Variants in AGTR1 observed in about 807,000 individuals in gnomAD.
The protein encoded by AGTR1 is angiotensin II receptor type 1.
In AGTR1, 16 loss-of-function variants were observed where a neutral mutation model predicts 19.4. The observed-to-expected ratio is 0.82, with a 90% CI of 0.56 to 1.25. The LOEUF (loss-of-function observed/expected upper bound fraction) is 1.25. Among genes scored for constraint, AGTR1 ranks in the 50% most tolerant of loss-of-function variants. AGTR1 has a pLI of 0.00. For synonymous variants in AGTR1, 153 were observed against 154.9 expected, an observed-to-expected ratio of 0.99 and a Z score of 0.09; for missense variants, 373 against 431.9, an observed-to-expected ratio of 0.86 and a Z score of 1.21.
In AGTR1 at chr3:148,741,581, C is replaced by A. The variant is rs868647200; in HGVS notation, c.546C>A (p.Phe182Leu). Residue 182 changes from phenylalanine to leucine, a missense_variant, in exon 3 of 3, where the codon TTC becomes TTA. By Grantham distance (22) the Phe-to-Leu change is conservative. Coordinates refer to ENST00000349243, the MANE Select transcript of AGTR1 (RefSeq NM_000685.5). ...ACACCAATATTACAGTTTGTGCTTTCCATTATGAGTCCCAAAATTCAACCC... is the reference window on the plus strand; with the variant it reads ...ACACCAATATTACAGTTTGTGCTTTACATTATGAGTCCCAAAATTCAACCC... ...IENTNITVCAFHYESQNSTLP... is the reference protein window; with the variant it reads ...IENTNITVCALHYESQNSTLP... 1 of 1,613,928 alleles carries A rather than the reference C, an allele frequency of 6.2e-7. No homozygotes were observed. Among genetic ancestry groups the A allele is most frequent in the Non-Finnish European group, 8.5e-7 (1 of 1,179,952 alleles).
rs1397503282 is a variant in AGTR1, at chr3:148,741,873, G to C, written c.838G>C (p.Val280Leu). Residue 280 changes from valine to leucine, a missense_variant, in exon 3 of 3, where the codon GTG becomes CTG. By Grantham distance (32) the Val-to-Leu change is conservative. Coordinates refer to ENST00000349243, the MANE Select transcript of AGTR1 (RefSeq NM_000685.5). ...ACGTGACTGTAGAATTGCAGATATTGTGGACACGGCCATGCCTATCACCAT... is the reference window on the plus strand; with the variant it reads ...ACGTGACTGTAGAATTGCAGATATTCTGGACACGGCCATGCCTATCACCAT... ...IIRDCRIADIVDTAMPITICI... is the reference protein window; with the variant it reads ...IIRDCRIADILDTAMPITICI... 3 of 1,614,046 alleles carry C rather than the reference G, an allele frequency of 1.9e-6. No homozygotes were observed. The South Asian group carries it at 3.3e-5, about 18-fold the overall frequency.
Position 148,742,632 on chromosome 3 carries a change from T to C in AGTR1, c.*517T>C. 1 of 213,360 alleles carries C rather than the reference T, an allele frequency of 4.7e-6. No homozygotes were observed. Among genetic ancestry groups the C allele is most frequent in the South Asian group, 8.7e-5 (1 of 11,458 alleles). The allele number at this position is 213,360 out of a possible 1,614,324, so 13.2% of individuals were successfully genotyped here. On this transcript the variant is annotated 3_prime_UTR_variant, in exon 3 of 3. Transcript: ENST00000349243. Reference sequence around the variant, plus strand: ...ACAAAGATATGCTAAGCAGTAGTCGTCAAGTTGCAGATCTTTTTGTGAAAT... The same window carrying C: ...ACAAAGATATGCTAAGCAGTAGTCGCCAAGTTGCAGATCTTTTTGTGAAAT...
intron 2 of AGTR1, chr3:148,729,960 A>G (rs1714160303): frequency 7.2e-6 from 2 of 276,362 alleles, no homozygotes; most frequent in South Asian, 1.7e-4. Flanking sequence ...CTCTTACCCA[A>G]ATTTGCTCGC....
At chr3:148,705,840 C>G (rs1349410126) in intron 1 of AGTR1, among the ~76,000 whole-genome samples, 1 of 151,696 alleles carries the variant, frequency 6.6e-6, no homozygotes, top group African/African-American at 2.4e-5. Flanking sequence ...CTGGTAGATG[C>G]TTGTCAAGGT....
chr3:148,726,203 G>A (rs1223283173), intron 2 of AGTR1, among the ~76,000 whole-genome samples: 1 of 144,088 alleles, frequency 6.9e-6, no homozygotes, highest in African/African-American at 2.9e-5. Flanking sequence ...GCTAAATCCT[G>A]CAGTCTACTG....
intron 2 of AGTR1, among the ~76,000 whole-genome samples, chr3:148,726,231 C>T (rs934649108): frequency 1.0e-4 from 15 of 150,088 alleles, no homozygotes; most frequent in Non-Finnish European, 8.9e-5. Context: ...TTTTTTTAGA[C>T]GGAGTCTCGC....
chr3:148,707,345 T>C (rs1712727283), intron 1 of AGTR1, among the ~76,000 whole-genome samples: 1 of 152,184 alleles, frequency 6.6e-6, no homozygotes, highest in Non-Finnish European at 1.5e-5. Context: ...TAGTAGTACC[T>C]CTGGGAAGTA....
chr3:148,725,550 G>A (rs930730919), intron 2 of AGTR1, among the ~76,000 whole-genome samples: 4 of 152,136 alleles, frequency 2.6e-5, no homozygotes, highest in Non-Finnish European at 5.9e-5. Flanking sequence ...CGCGATCTTG[G>A]CTCACTGCAA....
intron 2 of AGTR1, among the ~76,000 whole-genome samples, chr3:148,737,657 A>G (rs957833443): frequency 1.3e-5 from 2 of 152,184 alleles, no homozygotes; most frequent in Non-Finnish European, 1.5e-5. Context: ...TGCTATTTGC[A>G]TTGCTACTTC....
intron 2 of AGTR1, among the ~76,000 whole-genome samples, chr3:148,722,305 T>C (rs1182279627): frequency 6.6e-6 from 1 of 152,164 alleles, no homozygotes; most frequent in Non-Finnish European, 1.5e-5. Flanking sequence ...TGATGGAAGT[T>C]TGAACATATT....
In AGTR1 at chr3:148,698,522, G is replaced by T. The variant is rs527489939; in HGVS notation, c.-132+395G>T. Among the ~76,000 whole-genome samples the T allele has an allele frequency of 8.5e-5, 13 of 152,280 alleles. No individual in the cohort carries two copies. The South Asian group carries it at 1.7e-3, about 19-fold the overall frequency. On this transcript the variant is annotated intron_variant, in intron 1 of 2. Coordinates refer to ENST00000349243, the MANE Select transcript of AGTR1 (RefSeq NM_000685.5). ...GCCGGTATGACTCTGCAAGGCGTTC[G>T]TTTAAAAGTTGTGCTACTTTTGAGG...
chr3:148,714,388 TG>T (rs1713169548), intron 2 of AGTR1, among the ~76,000 whole-genome samples: 1 of 152,130 alleles, frequency 6.6e-6, no homozygotes, highest in Admixed American at 6.6e-5. Context: ...TGTGGACATC[TG>T]GGAGAAGATC....
chr3:148,741,699 C>T lies in AGTR1; in HGVS notation c.664C>T (p.Leu222=). 1 of 1,613,908 alleles carries T rather than the reference C, an allele frequency of 6.2e-7. No homozygotes were observed. Among genetic ancestry groups the T allele is most frequent in the South Asian group, 1.1e-5 (1 of 91,068 alleles). Residue 222 remains leucine (L), a synonymous_variant, in exon 3 of 3, where the codon CTA becomes TTA. Coordinates refer to ENST00000349243, the MANE Select transcript of AGTR1 (RefSeq NM_000685.5). ...AAGTTATACTCTTATTTGGAAGGCC[C>T]TAAAGAAGGCTTATGAAATTCAGAA... ...LTSYTLIWKA[L]KKAYEIQKNK...
At chr3:148,730,185 G>A (rs1350573021) in intron 2 of AGTR1, 1 of 398,314 alleles carries the variant, frequency 2.5e-6, no homozygotes, top group African/African-American at 2.1e-5. Flanking sequence ...TCCAGATGAA[G>A]AAAATGAATC....
chr3:148,711,107 A>T (rs546725057), intron 2 of AGTR1, among the ~76,000 whole-genome samples: 1 of 152,318 alleles, frequency 6.6e-6, no homozygotes, highest in South Asian at 2.1e-4. Flanking sequence ...ACAAGAATAG[A>T]CCAACACAGT....
At chr3:148,724,198 G>A (rs778490159) in intron 2 of AGTR1, among the ~76,000 whole-genome samples, 13 of 152,122 alleles carry the variant, frequency 8.5e-5, no homozygotes, top group African/African-American at 1.9e-4. Flanking sequence ...AAGTGACCCC[G>A]TGGCCCCCCT....
At position 148,742,306 on chromosome 3, in the gene AGTR1, G is replaced by A; in HGVS notation, c.*191G>A. ...TTCTTTCCTTTTGCAACAAGACAAA[G>A]CAAAGCCACATTTTGCATTAGACAG... On this transcript the variant is annotated 3_prime_UTR_variant, in exon 3 of 3. Coordinates refer to ENST00000349243, the MANE Select transcript of AGTR1 (RefSeq NM_000685.5). 1.2e-6 allele frequency: 1 copy of A among 828,732 alleles called. No homozygotes were observed. Among genetic ancestry groups the A allele is most frequent in the Non-Finnish European group, 2.1e-6 (1 of 482,798 alleles). 51.3% of individuals were successfully genotyped at this position (828,732 alleles called of 1,614,324 possible).
At chr3:148,721,108 T>A (rs1713608550) in intron 2 of AGTR1, among the ~76,000 whole-genome samples, 1 of 152,158 alleles carries the variant, frequency 6.6e-6, no homozygotes, top group Non-Finnish European at 1.5e-5. Context: ...AAGGGCAAGG[T>A]CATTAATTGG....
intron 2 of AGTR1, among the ~76,000 whole-genome samples, chr3:148,717,130 A>C (rs538713477): frequency 1.2e-5 from 1 of 81,420 alleles, no homozygotes; most frequent in East Asian, 2.2e-4. Flanking sequence ...TATTGCTCAC[A>C]CACTTAGACA....
Sources: allele counts gnomAD v4.1 joint callset (sites outside exome capture counted in the v4.1 genomes callset), GRCh38; gene constraint gnomAD v4.1.1; transcripts MANE v1.5; gene names NCBI Gene and HGNC (gene_info 2026-07-23, HGNC 2026-07-21).